The following PSAT1 variants were observed in gnomAD, a reference collection of about 807,000 sequenced individuals.
The protein encoded by PSAT1 is phosphoserine aminotransferase 1.
Under a neutral mutation model 40.3 loss-of-function variants are expected in PSAT1, and 41 were observed. That is an observed-to-expected ratio of 1.02 (90% confidence interval 0.79 to 1.32). PSAT1 has a LOEUF of 1.32. Ranked by LOEUF, PSAT1 falls within the 40% of genes most tolerant of loss-of-function variation. The pLI is 0.00. For synonymous variants in PSAT1, 147 were observed against 170.5 expected (o/e 0.86, Z 1.07); for missense variants, 406 against 455.8 (o/e 0.89, Z 0.99).
Position 78,330,083 on chromosome 9 carries a change from A to T in PSAT1, c.*997A>T, listed in dbSNP as rs1828557968. 6.6e-6 allele frequency: 1 copy of T among 152,214 alleles called. No homozygotes were observed. The highest frequency in any genetic ancestry group is 2.4e-5 in the African/African-American group (1 of 41,454). 9.4% of individuals were successfully genotyped at this position (152,214 alleles called of 1,614,324 possible). A position where few individuals can be genotyped will look rare whatever the true frequency, so the allele number is the denominator to read the frequency against. Reference sequence around the variant, plus strand: ...AATATGTAAAGAACATTAAAGTCCTAAAACATCTAAGCCCTTGTCAATGAA... The same window carrying T: ...AATATGTAAAGAACATTAAAGTCCTTAAACATCTAAGCCCTTGTCAATGAA... On this transcript the variant is annotated 3_prime_UTR_variant, in exon 9 of 9. Transcript: ENST00000376588.
At chr9:78,312,470 T>C (rs1828282080) in intron 6 of PSAT1, among the ~76,000 whole-genome samples, 1 of 151,338 alleles carries the variant, frequency 6.6e-6, no homozygotes, top group Non-Finnish European at 1.5e-5. Flanking sequence ...TCGAGGCAGG[T>C]GGATCACCTG....
rs184256039 is a variant in PSAT1 at position 78,317,730 on chromosome 9, G to A, written c.795G>A (p.Ala265=). The change falls in exon 7 of 9, where the codon GCG becomes GCA. Residue 265 remains alanine (A), a synonymous_variant. Coordinates refer to ENST00000376588, the MANE Select transcript of PSAT1 (RefSeq NM_058179.4). ...LEWIKNNGGA[A]AMEKLSSIKS... ...GGATTAAAAACAATGGAGGTGCCGC[G>A]GCCATGGAGAAGCTTAGCTCCATCA... 8.9e-5 allele frequency: 143 copies of A among 1,613,652 alleles called. No individual in the cohort carries two copies. The highest frequency in any genetic ancestry group is 6.5e-4 in the Admixed American group (39 of 59,990).
chr9:78,298,180 ACCGTC>A, intron 1 of PSAT1: 1 of 88,286 alleles, frequency 1.1e-5, no homozygotes, highest in Non-Finnish European at 1.6e-5. Flanking sequence ...CGCCAAACCC[ACCGTC>A]CCCAGCCCCA....
intron 3 of PSAT1, among the ~76,000 whole-genome samples, chr9:78,302,788 G>A (rs116713438): frequency 6.7e-6 from 1 of 149,744 alleles, no homozygotes; most frequent in Non-Finnish European, 1.5e-5. Flanking sequence ...ACTTAGTCCT[G>A]CTGAATCAGA....
intron 7 of PSAT1, among the ~76,000 whole-genome samples, chr9:78,326,176 C>A (rs1005529469): frequency 6.6e-6 from 1 of 152,132 alleles, no homozygotes; most frequent in African/African-American, 2.4e-5. Context: ...TTAACTTTAA[C>A]AAGAATTACA....
chr9:78,319,667 G>C (rs1828398557), intron 7 of PSAT1, among the ~76,000 whole-genome samples: 1 of 152,216 alleles, frequency 6.6e-6, no homozygotes, highest in Admixed American at 6.5e-5. Flanking sequence ...TGGAAAAGGG[G>C]GATACTCTTT....
At chr9:78,312,806 G>A (rs1828287084) in intron 6 of PSAT1, among the ~76,000 whole-genome samples, 1 of 152,214 alleles carries the variant, frequency 6.6e-6, no homozygotes, top group South Asian at 2.1e-4. Flanking sequence ...CCAGTGGGAT[G>A]GGGATGCCTG....
At chr9:78,303,364 A>T (rs1828135383) in intron 3 of PSAT1, among the ~76,000 whole-genome samples, 1 of 152,242 alleles carries the variant, frequency 6.6e-6, no homozygotes, top group African/African-American at 2.4e-5. Context: ...CATTCATAGG[A>T]CAATCCTGTC....
intron 7 of PSAT1, among the ~76,000 whole-genome samples, chr9:78,326,918 A>G (rs868561065): frequency 1.7e-4 from 25 of 143,826 alleles, no homozygotes; most frequent in Non-Finnish European, 3.4e-4. Context: ...TAGCTCAAAC[A>G]TGCTTAAGTG....
Position 78,329,147 on chromosome 9 carries a change from G to A in PSAT1, c.*61G>A. The A allele has an allele frequency of 8.3e-7, 1 of 1,206,446 alleles. No homozygotes were observed. The highest frequency in any genetic ancestry group is 1.2e-6 in the Non-Finnish European group (1 of 811,410). The allele number at this position is 1,206,446 out of a possible 1,614,324, so 74.7% of individuals were successfully genotyped here. A position where few individuals can be genotyped will look rare whatever the true frequency, so the allele number is the denominator to read the frequency against. On this transcript the variant is annotated 3_prime_UTR_variant, in exon 9 of 9. Coordinates refer to ENST00000376588, the MANE Select transcript of PSAT1 (RefSeq NM_058179.4). ...AACATACAAAGTTTAAAGTAACTTGGGGATGGCTACAAAAAGTTAACACAG... is the reference window on the plus strand; with the variant it reads ...AACATACAAAGTTTAAAGTAACTTGAGGATGGCTACAAAAAGTTAACACAG...
At position 78,297,185 on chromosome 9, in the gene PSAT1, T is replaced by G. The variant is rs1352659492; in HGVS notation, c.-26T>G. The G allele has an allele frequency of 4.4e-6, 7 of 1,591,530 alleles. No individual in the cohort carries two copies. The highest frequency in any genetic ancestry group is 5.1e-6 in the Non-Finnish European group (6 of 1,173,398). On this transcript the variant is annotated 5_prime_UTR_variant, in exon 1 of 9. Coordinates refer to ENST00000376588, the MANE Select transcript of PSAT1 (RefSeq NM_058179.4). ...GTTCACGCGTTCGGTCCTCCTTGGC[T>G]GACTCACCGCCCTGGCCGCCGCACC...
intron 6 of PSAT1, among the ~76,000 whole-genome samples, chr9:78,310,194 A>G (rs1401893264): frequency 6.6e-6 from 1 of 152,116 alleles, no homozygotes; most frequent in Admixed American, 6.5e-5. Flanking sequence ...TAATCCTCCC[A>G]ACTACCCTAG....
At chr9:78,322,779 A>T (rs1471181807) in intron 7 of PSAT1, among the ~76,000 whole-genome samples, 1 of 152,230 alleles carries the variant, frequency 6.6e-6, no homozygotes, top group Non-Finnish European at 1.5e-5. Flanking sequence ...AGACAAATGG[A>T]AAGATGCCAC....
At chr9:78,297,347 G>C in intron 1 of PSAT1, 77 bp downstream of exon 1, 1 of 1,491,258 alleles carries the variant, frequency 6.7e-7, no homozygotes, top group Non-Finnish European at 9.1e-7. Flanking sequence ...ATCCCTGCGT[G>C]TGGCAGTCGG....
chr9:78,329,230 CA>C lies in PSAT1; in HGVS notation c.*148del. The C allele has an allele frequency of 4.4e-6, 3 of 680,422 alleles. No individual in the cohort carries two copies. Among genetic ancestry groups the C allele is most frequent in the South Asian group, 1.6e-5 (1 of 61,116 alleles). 42.1% of individuals were successfully genotyped at this position (680,422 alleles called of 1,614,324 possible). Reference sequence around the variant, plus strand: ...TTCTTCTTTTTTGAAAGAACAACAGCAAAACATCCACAACTCTGTAAAGCTG... The same window carrying C: ...TTCTTCTTTTTTGAAAGAACAACAGCAAACATCCACAACTCTGTAAAGCTG... On this transcript the variant is annotated 3_prime_UTR_variant, in exon 9 of 9. Transcript: ENST00000376588.
chr9:78,314,620 A>C (rs1828314416), intron 6 of PSAT1, among the ~76,000 whole-genome samples: 1 of 152,164 alleles, frequency 6.6e-6, no homozygotes. Context: ...TCATAGAGCC[A>C]AGTTATGGGT....
intron 8 of PSAT1, 145 bp from the exon 9 acceptor site, chr9:78,328,836 G>A: frequency 1.4e-6 from 1 of 704,506 alleles, no homozygotes; most frequent in East Asian, 2.7e-5. Context: ...GAAGCTCTGT[G>A]CCAGGTGTCG....
At chr9:78,320,151 A>C (rs1306344205) in intron 7 of PSAT1, among the ~76,000 whole-genome samples, 1 of 148,346 alleles carries the variant, frequency 6.7e-6, no homozygotes, top group African/African-American at 2.5e-5. Context: ...TCCATTACCC[A>C]CCCATCCTTC....
At chr9:78,313,354 C>T (rs1384673544) in intron 6 of PSAT1, among the ~76,000 whole-genome samples, 2 of 152,152 alleles carry the variant, frequency 1.3e-5, no homozygotes, top group Non-Finnish European at 2.9e-5. Flanking sequence ...GACAGCAAAA[C>T]TCTGCCTCAA....
Sources: gnomAD v4.1 joint callset for allele counts (sites outside exome capture counted in the v4.1 genomes callset) on GRCh38, gnomAD v4.1.1 for gene constraint, MANE v1.5 for transcripts, NCBI Gene and HGNC (gene_info 2026-07-23, HGNC 2026-07-21) for gene names.